Variants in L3MBTL3 observed in about 807,000 individuals in gnomAD.
The protein encoded by L3MBTL3 is lethal(3)malignant brain tumor-like protein 3.
L3MBTL3 carries 27 observed loss-of-function variants against 102.3 expected under a neutral mutation model. The observed-to-expected ratio is 0.26, with a 90% CI of 0.19 to 0.36. L3MBTL3 has a LOEUF of 0.36. Ranked by LOEUF, L3MBTL3 falls within the 10% of genes least tolerant of loss-of-function variation. The pLI is 1.00. For synonymous variants in L3MBTL3, 340 were observed against 320.9 expected, an observed-to-expected ratio of 1.06 and a Z score of -0.64; for missense variants, 798 against 955.3, an observed-to-expected ratio of 0.84 and a Z score of 2.17.
chr6:130,071,373 A>G (rs989104389), intron 13 of L3MBTL3, among the ~76,000 whole-genome samples: 9 of 152,180 alleles, frequency 5.9e-5, no homozygotes, highest in African/African-American at 2.2e-4. Context: ...TGCACACTCC[A>G]CATTCCCAAC....
intron 7 of L3MBTL3, 65 bp downstream of exon 7, chr6:130,053,056 C>A (rs1163158158): frequency 7.9e-7 from 1 of 1,271,824 alleles, no homozygotes; most frequent in African/African-American, 1.4e-5. Context: ...ATCACAGTCA[C>A]AAGCACTGCT....
intron 2 of L3MBTL3, among the ~76,000 whole-genome samples, chr6:130,031,005 C>A (rs1415582410): frequency 6.6e-6 from 1 of 152,126 alleles, no homozygotes; most frequent in East Asian, 1.9e-4. Flanking sequence ...TGTATGATTA[C>A]CCCATGTGAC....
intron 20 of L3MBTL3, among the ~76,000 whole-genome samples, chr6:130,127,297 C>T (rs957154733): frequency 1.3e-5 from 2 of 152,058 alleles, no homozygotes; most frequent in African/African-American, 4.8e-5. Flanking sequence ...TCTCTCTGCA[C>T]GTGGGAAAGA....
chr6:130,036,061 C>T (rs1429851978), intron 2 of L3MBTL3, among the ~76,000 whole-genome samples: 5 of 151,234 alleles, frequency 3.3e-5, no homozygotes, highest in African/African-American at 1.2e-4. Context: ...CAGGTGATAC[C>T]TACAAGAACA....
intron 13 of L3MBTL3, among the ~76,000 whole-genome samples, chr6:130,072,066 A>G (rs1008964143): frequency 1.3e-5 from 2 of 152,152 alleles, no homozygotes; most frequent in Non-Finnish European, 2.9e-5. Context: ...ACACAGACCC[A>G]AGTACGGTTG....
At chr6:130,090,558 G>A (rs1246279318) in intron 16 of L3MBTL3, among the ~76,000 whole-genome samples, 1 of 151,966 alleles carries the variant, frequency 6.6e-6, no homozygotes, top group Non-Finnish European at 1.5e-5. Flanking sequence ...TAAATTATAA[G>A]TGAAAGCAAT....
intron 2 of L3MBTL3, among the ~76,000 whole-genome samples, chr6:130,037,212 C>T (rs971804286): frequency 1.3e-5 from 2 of 152,064 alleles, no homozygotes; most frequent in African/African-American, 4.8e-5. Context: ...TTTATGGAGA[C>T]TGTAATAACC....
chr6:130,043,318 CG>C, intron 3 of L3MBTL3, among the ~76,000 whole-genome samples: 1 of 152,120 alleles, frequency 6.6e-6, no homozygotes, highest in Non-Finnish European at 1.5e-5. Flanking sequence ...TGTTCAAAAT[CG>C]GGTTCTTCCT....
At chr6:130,057,099 G>A (rs950386231) in intron 8 of L3MBTL3, among the ~76,000 whole-genome samples, 7 of 152,146 alleles carry the variant, frequency 4.6e-5, no homozygotes, top group African/African-American at 1.2e-4. Flanking sequence ...TGAGCATCCT[G>A]CTTCTAGAAG....
chr6:130,079,963 C>G (rs1223031066), intron 14 of L3MBTL3, among the ~76,000 whole-genome samples: 1 of 152,090 alleles, frequency 6.6e-6, no homozygotes, highest in East Asian at 1.9e-4. Context: ...AGGGTTAAAG[C>G]AAAGTATTGG....
At chr6:130,080,363 G>A (rs970886475) in intron 14 of L3MBTL3, among the ~76,000 whole-genome samples, 7 of 152,034 alleles carry the variant, frequency 4.6e-5, no homozygotes, top group African/African-American at 1.7e-4. Flanking sequence ...TCTGTCCTGC[G>A]GCTTACAAAA....
chr6:130,077,973 C>A (rs943346782), intron 13 of L3MBTL3, among the ~76,000 whole-genome samples: 5 of 152,050 alleles, frequency 3.3e-5, no homozygotes, highest in East Asian at 1.9e-4. Flanking sequence ...ATTAGATGTA[C>A]CAGGTATGCA....
intron 16 of L3MBTL3, among the ~76,000 whole-genome samples, chr6:130,089,915 T>G (rs1266606519): frequency 6.6e-6 from 1 of 151,920 alleles, no homozygotes; most frequent in African/African-American, 2.4e-5. Context: ...ACACTCTATC[T>G]TTTTCTTTTT....
intron 20 of L3MBTL3, among the ~76,000 whole-genome samples, chr6:130,125,605 G>A (rs1786543285): frequency 6.6e-6 from 1 of 152,156 alleles, no homozygotes. Context: ...TCAAACCCAA[G>A]GCTGAAGGTC....
At chr6:130,031,921 CTTTTT>C (rs1406887463) in intron 2 of L3MBTL3, among the ~76,000 whole-genome samples, 1 of 151,786 alleles carries the variant, frequency 6.6e-6, no homozygotes, top group East Asian at 1.9e-4. Context: ...ATCTACTTTT[CTTTTT>C]TTTGAGATAG....
At position 130,133,326 on chromosome 6, in the gene L3MBTL3, T is replaced by C. The variant is rs1787259073; in HGVS notation, c.1967-126T>C. ...ACAAAGAAGAGCCTATTCAATAGTA[T>C]AATGCTGAAAGGAACCAATGCTTTA... On this transcript the variant is annotated intron_variant, in intron 20 of 22. Transcript: ENST00000361794. The surrounding 1 kb of genome is among the most constrained non-coding windows in gnomAD (Gnocchi z 4.9). 1.2e-6 allele frequency: 1 copy of C among 823,312 alleles called. No homozygotes were observed. The highest frequency in any genetic ancestry group is 1.9e-6 in the Non-Finnish European group (1 of 521,580). The allele number at this position is 823,312 out of a possible 1,614,324, so 51.0% of individuals were successfully genotyped here.
Position 130,108,231 on chromosome 6 carries a change from GTT to G in L3MBTL3, c.1886+3677_1886+3678del, listed in dbSNP as rs869221525. ...ATAAATGTTAGGTGGTTTTTTTTTTGTTTTTTTTTTTTTTTTTTTTTTAGATG... is the reference window on the plus strand; with the variant it reads ...ATAAATGTTAGGTGGTTTTTTTTTTGTTTTTTTTTTTTTTTTTTTTAGATG... On this transcript the variant is annotated intron_variant, in intron 19 of 22. Transcript: ENST00000361794. Among the ~76,000 whole-genome samples, 907 of 90,990 alleles carry G rather than the reference GTT, an allele frequency of 1.0e-2. 11 individuals carry two copies. The highest frequency in any genetic ancestry group is 0.03 in the African/African-American group (773 of 25,908). The allele number at this position is 90,990 out of a possible 152,430, so 59.7% of individuals were successfully genotyped here.
chr6:130,049,237 C>T (rs776422751), intron 3 of L3MBTL3, 45 bp from the exon 4 acceptor site: 2 of 1,086,414 alleles, frequency 1.8e-6, no homozygotes, highest in Admixed American at 1.9e-5. Flanking sequence ...TAATGACTTT[C>T]CTGAGCACTT....
intron 20 of L3MBTL3, among the ~76,000 whole-genome samples, chr6:130,129,684 A>T (rs1265866284): frequency 6.6e-6 from 1 of 152,318 alleles, no homozygotes; most frequent in South Asian, 2.1e-4. Context: ...TTTCTTTTCC[A>T]TGCATGTCAA....
Sources: gnomAD v4.1 joint callset for allele counts (sites outside exome capture counted in the v4.1 genomes callset) on GRCh38, gnomAD v4.1.1 for gene constraint, Gnocchi (gnomAD v3.1) non-coding constraint, MANE v1.5 for transcripts, NCBI Gene and HGNC (gene_info 2026-07-23, HGNC 2026-07-21) for gene names.